PCDHA4: variants seen among roughly 807,000 people sequenced by gnomAD.
PCDHA4 encodes protocadherin alpha-4.
PCDHA4 carries 49 observed loss-of-function variants against 61.4 expected under a neutral mutation model. The observed-to-expected ratio is 0.80, with a 90% CI of 0.63 to 1.01. PCDHA4 has a LOEUF of 1.01. PCDHA4 is among the 50% of genes least tolerant of loss of function. The probability of loss-of-function intolerance (pLI) is 0.00; values close to 1 mark genes in which losing one functional copy is unlikely to be tolerated. For synonymous variants in PCDHA4, 590 were observed against 550.3 expected, an observed-to-expected ratio of 1.07 and a Z score of -1.01; for missense variants, 1,254 against 1,235.8, an observed-to-expected ratio of 1.01 and a Z score of -0.22.
At position 140,827,335 on chromosome 5, in the gene PCDHA4, G is replaced by A. The variant is rs2150147144; in HGVS notation, c.2385+17763G>A. 1.1e-3 allele frequency among the ~76,000 whole-genome samples: 167 copies of A among 152,286 alleles called. 1 individual carries two copies. Among genetic ancestry groups the A allele is most frequent in the African/African-American group, 3.8e-3 (159 of 41,558 alleles). Reference sequence around the variant, plus strand: ...AAATTCCACTAGAATTTGAAGTGGTGAAGTATATGAAAAGAAAATATTTTA... The same window carrying A: ...AAATTCCACTAGAATTTGAAGTGGTAAAGTATATGAAAAGAAAATATTTTA... On this transcript the variant is annotated intron_variant, in intron 1 of 3. Coordinates refer to ENST00000530339, the MANE Select transcript of PCDHA4 (RefSeq NM_018907.4).
rs538322622 is a variant in PCDHA4 at position 140,884,083 on chromosome 5, G to T, written c.2385+74511G>T. 35 of 1,613,596 alleles carry T rather than the reference G, an allele frequency of 2.2e-5. No individual in the cohort carries two copies. The South Asian group carries it at 3.6e-4, about 17-fold the overall frequency. On this transcript the variant is annotated intron_variant, in intron 1 of 3. Coordinates refer to ENST00000530339, the MANE Select transcript of PCDHA4 (RefSeq NM_018907.4). The stretch of plus-strand genomic sequence containing the variant: ...TGGACGCCGATTCGGGCTACAATGC[G>T]TGGCTTTCGTATGAATTGCAGCTGG...
intron 1 of PCDHA4, among the ~76,000 whole-genome samples, chr5:140,821,111 A>T (rs2150108714): frequency 9.2e-5 from 14 of 152,284 alleles, no homozygotes; most frequent in South Asian, 8.3e-4. Flanking sequence ...TCACTATTAA[A>T]CAGTGAAATT....
chr5:140,999,304 C>G (rs1587831145), intron 3 of PCDHA4, among the ~76,000 whole-genome samples: 2 of 152,190 alleles, frequency 1.3e-5, no homozygotes, highest in East Asian at 3.8e-4. Flanking sequence ...TTCAGAATTT[C>G]TTCATGACAG....
intron 1 of PCDHA4, among the ~76,000 whole-genome samples, chr5:140,933,588 G>A (rs2089253151): frequency 6.6e-6 from 1 of 151,988 alleles, no homozygotes; most frequent in Non-Finnish European, 1.5e-5. Flanking sequence ...TGGGTTTTTA[G>A]GTTGATTTGT....
chr5:140,844,744 G>C (rs1779527366), intron 1 of PCDHA4, among the ~76,000 whole-genome samples: 1 of 149,016 alleles, frequency 6.7e-6, no homozygotes, highest in Non-Finnish European at 1.5e-5. Flanking sequence ...TAGTATTATG[G>C]GATAAATCTT....
chr5:141,004,144 A>C (rs1451902723), intron 3 of PCDHA4, among the ~76,000 whole-genome samples: 3 of 152,250 alleles, frequency 2.0e-5, no homozygotes, highest in Non-Finnish European at 2.9e-5. Context: ...CCCCAAAGGC[A>C]TGACATTTTA....
chr5:140,944,206 T>C (rs1291391135), intron 1 of PCDHA4, among the ~76,000 whole-genome samples: 1 of 152,156 alleles, frequency 6.6e-6, no homozygotes, highest in Non-Finnish European at 1.5e-5. Context: ...GTTTTGTTTT[T>C]AAAGAGGGTT....
chr5:140,878,016 G>A, intron 1 of PCDHA4: 2 of 818,388 alleles, frequency 2.4e-6, no homozygotes, highest in Admixed American at 3.6e-5. Context: ...CATTAATGAA[G>A]GAAATATGTA....
chr5:140,840,858 A>G (rs1200683649), intron 1 of PCDHA4, among the ~76,000 whole-genome samples: 2 of 152,006 alleles, frequency 1.3e-5, no homozygotes, highest in Non-Finnish European at 2.9e-5. Context: ...TCCACACGAA[A>G]CTATGGAGGA....
chr5:140,949,335 C>T (rs1388078558), intron 1 of PCDHA4, among the ~76,000 whole-genome samples: 1 of 151,586 alleles, frequency 6.6e-6, no homozygotes, highest in Non-Finnish European at 1.5e-5. Flanking sequence ...TATTGTTATC[C>T]AGATTTTCTG....
chr5:140,869,722 G>A, intron 1 of PCDHA4: 2 of 1,613,324 alleles, frequency 1.2e-6, no homozygotes, highest in Non-Finnish European at 1.7e-6. Flanking sequence ...GAAAACTCCG[G>A]AACTTAATTT....
chr5:140,857,553 C>T, intron 1 of PCDHA4: 1 of 1,597,008 alleles, frequency 6.3e-7, no homozygotes, highest in Non-Finnish European at 8.6e-7. Flanking sequence ...GGCGAGCGCT[C>T]GCTGTCGAGC....
intron 1 of PCDHA4, among the ~76,000 whole-genome samples, chr5:140,970,633 A>G (rs2096420540): frequency 6.6e-6 from 1 of 152,210 alleles, no homozygotes; most frequent in Admixed American, 6.5e-5. Context: ...AAAATTTTGT[A>G]CCATAAATAG....
intron 3 of PCDHA4, among the ~76,000 whole-genome samples, chr5:140,990,831 A>G (rs1004872074): frequency 6.6e-6 from 1 of 152,192 alleles, no homozygotes; most frequent in Non-Finnish European, 1.5e-5. Context: ...GCTAAAGCCT[A>G]TTAGCAAAAA....
In PCDHA4 at chr5:140,808,451, G is replaced by A. The variant is rs781801609; in HGVS notation, c.1264G>A (p.Glu422Lys). 16 of 1,614,210 alleles carry A rather than the reference G, an allele frequency of 9.9e-6. No homozygotes were observed. The highest frequency in any genetic ancestry group is 5.5e-5 in the South Asian group (5 of 91,086). ...GGACCGCGAGAGCGTGTCAGCCTAT[G>A]AGCTGGTGGTGACCGCGCGAGACGG... ...ALDRESVSAY[E>K]LVVTARDGGS... The change falls in exon 1 of 4, where the codon GAG becomes AAG. Residue 422 changes from glutamate to lysine, a missense_variant. Physicochemically the swap from Glu to Lys is moderately conservative, Grantham distance 56. Coordinates refer to ENST00000530339, the MANE Select transcript of PCDHA4 (RefSeq NM_018907.4).
At chr5:140,869,126 G>A in intron 1 of PCDHA4, 4 of 1,611,734 alleles carry the variant, frequency 2.5e-6, no homozygotes, top group Non-Finnish European at 3.4e-6. Context: ...CAGAGAAGGG[G>A]ATTGGGCACC....
chr5:140,975,759 A>G (rs1420459945), intron 1 of PCDHA4, among the ~76,000 whole-genome samples: 1 of 152,248 alleles, frequency 6.6e-6, no homozygotes, highest in Non-Finnish European at 1.5e-5. Context: ...TCTATGTCAT[A>G]AATCACAGAT....
intron 1 of PCDHA4, chr5:140,835,026 A>G: frequency 1.5e-6 from 2 of 1,336,268 alleles, no homozygotes; most frequent in Non-Finnish European, 2.0e-6. Context: ...GCTCACGGCC[A>G]CCGATGGAGG....
At chr5:140,876,418 T>C in intron 1 of PCDHA4, 1 of 1,613,982 alleles carries the variant, frequency 6.2e-7, no homozygotes, top group Non-Finnish European at 8.5e-7. Flanking sequence ...GAATAATGCC[T>C]ATGAAATTCA....
Sources: gnomAD v4.1 joint callset for allele counts (sites outside exome capture counted in the v4.1 genomes callset) on GRCh38, gnomAD v4.1.1 for gene constraint, MANE v1.5 for transcripts, NCBI Gene and HGNC (gene_info 2026-07-23, HGNC 2026-07-21) for gene names.